Variants in CCDC30 observed in about 807,000 individuals in gnomAD.
CCDC30 encodes the protein coiled-coil domain-containing protein 30.
Under a neutral mutation model 100.2 loss-of-function variants are expected in CCDC30, and 70 were observed. The ratio of observed to expected loss-of-function variants is 0.70; its 90% CI spans 0.58 to 0.85. The LOEUF is 0.85. Ranked by LOEUF, CCDC30 falls within the 40% of genes least tolerant of loss-of-function variation. The pLI, the probability that CCDC30 is intolerant of heterozygous loss-of-function variation, is 0.00. For synonymous variants in CCDC30, 233 were observed against 269.5 expected (o/e 0.86, Z 1.33); for missense variants, 652 against 771.2 (o/e 0.85, Z 1.83).
intron 4 of CCDC30, among the ~76,000 whole-genome samples, chr1:42,492,925 G>T (rs35578020): frequency 3.9e-5 from 6 of 151,988 alleles, no homozygotes. Context: ...GATTACAGGC[G>T]TGAGCCACCG....
In CCDC30 at chr1:42,646,275, AG is replaced by A; in HGVS notation, c.1813del (p.Val605PhefsTer26). On this transcript the variant is annotated frameshift_variant, in exon 15 of 17. Transcript: ENST00000668663. LOFTEE classifies it high-confidence loss of function. ...CAGAACTCCAGCATGAGGATGAGTC[AG>A]TTCCTGAGGCCACAGAGAAGTGGAA... 1.3e-6 allele frequency: 2 copies of A among 1,548,408 alleles called. No individual in the cohort carries two copies. Among genetic ancestry groups the A allele is most frequent in the Non-Finnish European group, 1.7e-6 (2 of 1,145,318 alleles).
At chr1:42,492,258 G>T in intron 4 of CCDC30, 1 of 202,066 alleles carries the variant, frequency 4.9e-6, no homozygotes, top group South Asian at 8.3e-5. Flanking sequence ...AGGTGCAAAT[G>T]ACTTGAAAGA....
chr1:42,599,649 T>G (rs1004205845), intron 10 of CCDC30, among the ~76,000 whole-genome samples: 1 of 152,150 alleles, frequency 6.6e-6, no homozygotes, highest in Non-Finnish European at 1.5e-5. Flanking sequence ...CCCAACTATA[T>G]GTTGTCTACA....
intron 6 of CCDC30, among the ~76,000 whole-genome samples, chr1:42,509,119 T>C (rs1644439679): frequency 6.6e-6 from 1 of 152,190 alleles, no homozygotes; most frequent in African/African-American, 2.4e-5. Context: ...GAAACCTTCA[T>C]TGCAAAACTG....
chr1:42,582,485 T>A (rs1645987788), intron 9 of CCDC30, among the ~76,000 whole-genome samples: 1 of 152,162 alleles, frequency 6.6e-6, no homozygotes, highest in African/African-American at 2.4e-5. Flanking sequence ...TAATTCCCCA[T>A]CAAAACTCTT....
intron 4 of CCDC30, chr1:42,492,048 C>G (rs770850652): frequency 2.2e-6 from 1 of 459,248 alleles, no homozygotes; most frequent in Non-Finnish European, 4.0e-6. Flanking sequence ...TGGATTTACC[C>G]CTGACGAAAT....
intron 10 of CCDC30, among the ~76,000 whole-genome samples, chr1:42,609,209 G>A (rs531132265): frequency 6.6e-6 from 1 of 151,954 alleles, no homozygotes; most frequent in African/African-American, 2.4e-5. Context: ...TCAACATGAA[G>A]ACAATGAGGA....
intron 6 of CCDC30, among the ~76,000 whole-genome samples, chr1:42,510,673 G>A (rs990555078): frequency 3.4e-5 from 5 of 148,454 alleles, no homozygotes; most frequent in South Asian, 2.1e-4. Flanking sequence ...AAAAAAAAAT[G>A]TGGAAAGCTT....
intron 8 of CCDC30, chr1:42,580,979 C>T (rs1286296021): frequency 9.7e-6 from 4 of 411,812 alleles, no homozygotes; most frequent in Non-Finnish European, 1.9e-5. Flanking sequence ...GCTGGGACTA[C>T]AGGTACTCAC....
intron 5 of CCDC30, among the ~76,000 whole-genome samples, chr1:42,498,430 TAC>T (rs1463901461): frequency 6.6e-6 from 1 of 152,206 alleles, no homozygotes; most frequent in Non-Finnish European, 1.5e-5. Flanking sequence ...CACTGAACTG[TAC>T]ACTTAAAAAT....
Position 42,477,724 on chromosome 1 carries a change from T to G in CCDC30, c.-91-2737T>G, listed in dbSNP as rs1643899902. ...ATCTGTAAACTGTGAAGGAAAGAGA[T>G]AAGCCAGTGGTTGTAGTTCAGTGTG... is the stretch of plus-strand genomic sequence containing the variant. On this transcript the variant is annotated intron_variant, in intron 1 of 16. Transcript: ENST00000668663. Among the ~76,000 whole-genome samples, 4 of 152,206 alleles carry G rather than the reference T, an allele frequency of 2.6e-5. No individual in the cohort carries two copies. The South Asian group carries it at 8.3e-4, about 32-fold the overall frequency.
At chr1:42,606,935 C>A (rs1429377822) in intron 10 of CCDC30, among the ~76,000 whole-genome samples, 1 of 151,972 alleles carries the variant, frequency 6.6e-6, no homozygotes, top group Non-Finnish European at 1.5e-5. Context: ...TGCTAGCAGG[C>A]GTAAAAACCA....
chr1:42,460,328 G>A (rs145650298), upstream of CCDC30: 3,101 of 987,060 alleles, frequency 3.1e-3, 9 homozygotes, highest in Middle Eastern at 0.01. Context: ...TTAAAAAGAT[G>A]AATAAACATA....
intron 12 of CCDC30, among the ~76,000 whole-genome samples, chr1:42,642,061 TA>T (rs927626191): frequency 2.6e-5 from 4 of 151,800 alleles, no homozygotes; most frequent in Non-Finnish European, 4.4e-5. Context: ...CCATCTCTAC[TA>T]AAAATACAAA....
At chr1:42,546,610 A>G (rs1280834456) in intron 6 of CCDC30, among the ~76,000 whole-genome samples, 1 of 151,274 alleles carries the variant, frequency 6.6e-6, no homozygotes, top group African/African-American at 2.4e-5. Flanking sequence ...ATATATGTAT[A>G]TTTTTACATA....
chr1:42,506,136 T>G (rs1644391277), intron 6 of CCDC30, among the ~76,000 whole-genome samples: 1 of 152,236 alleles, frequency 6.6e-6, no homozygotes, highest in African/African-American at 2.4e-5. Context: ...TGTAGATAGC[T>G]TAAAATAAAA....
intron 10 of CCDC30, among the ~76,000 whole-genome samples, chr1:42,603,482 C>T (rs1416841116): frequency 1.3e-5 from 2 of 152,180 alleles, no homozygotes; most frequent in South Asian, 4.1e-4. Flanking sequence ...ATCCAACATC[C>T]ATTCACTATA....
chr1:42,618,411 T>C (rs190416939), intron 11 of CCDC30, among the ~76,000 whole-genome samples: 6 of 152,210 alleles, frequency 3.9e-5, no homozygotes, highest in East Asian at 3.9e-4. Flanking sequence ...TAATTTTGTA[T>C]TTTTAATAGA....
intron 6 of CCDC30, among the ~76,000 whole-genome samples, chr1:42,524,555 C>T (rs2148507191): frequency 6.6e-6 from 1 of 152,234 alleles, no homozygotes; most frequent in East Asian, 1.9e-4. Flanking sequence ...CTGACTCTGT[C>T]TGTACCTACA....
Sources: gnomAD v4.1 joint callset for allele counts (sites outside exome capture counted in the v4.1 genomes callset) on GRCh38, gnomAD v4.1.1 for gene constraint, MANE v1.5 for transcripts, NCBI Gene and HGNC (gene_info 2026-07-23, HGNC 2026-07-21) for gene names.